The following OPCML variants were observed in gnomAD, a reference collection of about 807,000 sequenced individuals.
OPCML encodes the protein opioid binding protein/cell adhesion molecule like.
A neutral mutation model predicts 37.8 loss-of-function variants in OPCML; 13 were observed. The ratio of observed to expected loss-of-function variants is 0.34; its 90% CI spans 0.22 to 0.55. The LOEUF is 0.55. Ranked by LOEUF, OPCML falls within the 20% of genes least tolerant of loss-of-function variation. The pLI is 0.91. For synonymous variants in OPCML, 176 were observed against 168.8 expected (o/e 1.04, Z -0.33); for missense variants, 341 against 435.6 (o/e 0.78, Z 1.93).
Position 133,096,847 on chromosome 11 carries a change from A to C in OPCML, c.62-153837T>G, listed in dbSNP as rs370297617. Among the ~76,000 whole-genome samples, 20 of 152,256 alleles carry C rather than the reference A, an allele frequency of 1.3e-4. No individual in the cohort carries two copies. The East Asian group carries it at 2.3e-3, about 18-fold the overall frequency. ...AGCCAATATTCCAAGACGACACAGC[A>C]ATCTTTACTGTGTGTGCACTTAACA... is the stretch of plus-strand genomic sequence containing the variant. On this transcript the variant is annotated intron_variant, in intron 1 of 7. Transcript: ENST00000524381.
At chr11:133,217,461 C>T (rs891759967) in intron 1 of OPCML, among the ~76,000 whole-genome samples, 5 of 152,170 alleles carry the variant, frequency 3.3e-5, no homozygotes, top group Non-Finnish European at 7.3e-5. Flanking sequence ...GGGGCACCCA[C>T]GGTGTGCTCA....
At chr11:132,509,793 C>T (rs1047134674) in intron 4 of OPCML, among the ~76,000 whole-genome samples, 1 of 152,204 alleles carries the variant, frequency 6.6e-6, no homozygotes, top group Non-Finnish European at 1.5e-5. Flanking sequence ...GGGTGGGGCC[C>T]TCATGGAGAA....
chr11:132,752,665 GTTTTT>G (rs11295256), intron 2 of OPCML, among the ~76,000 whole-genome samples: 77 of 145,162 alleles, frequency 5.3e-4, no homozygotes, highest in African/African-American at 1.9e-3. Flanking sequence ...ACTCAATGTT[GTTTTT>G]TTTTTTTAAT....
At chr11:133,012,109 G>A (rs1192326799) in intron 1 of OPCML, among the ~76,000 whole-genome samples, 1 of 152,170 alleles carries the variant, frequency 6.6e-6, no homozygotes, top group Non-Finnish European at 1.5e-5. Flanking sequence ...GGCAATGCCT[G>A]AAGATATTTT....
chr11:133,325,332 G>T (rs920838949), intron 1 of OPCML, among the ~76,000 whole-genome samples: 2 of 152,140 alleles, frequency 1.3e-5, no homozygotes. Flanking sequence ...CATTATTTGG[G>T]GTGCTCATTC....
chr11:133,241,853 T>G, intron 1 of OPCML, among the ~76,000 whole-genome samples: 1 of 152,208 alleles, frequency 6.6e-6, no homozygotes. Context: ...TCCACGCATG[T>G]ATTTTTCAGG....
At chr11:133,233,875 T>C (rs1940399350) in intron 1 of OPCML, among the ~76,000 whole-genome samples, 1 of 152,160 alleles carries the variant, frequency 6.6e-6, no homozygotes. Flanking sequence ...AGATGAGAAC[T>C]AGAAGGTCCA....
At chr11:132,722,880 T>C (rs1173347542) in intron 2 of OPCML, among the ~76,000 whole-genome samples, 1 of 152,214 alleles carries the variant, frequency 6.6e-6, no homozygotes, top group Admixed American at 6.5e-5. Context: ...ATATGCTTTA[T>C]CTTTATTCAC....
intron 2 of OPCML, among the ~76,000 whole-genome samples, chr11:132,857,170 T>C (rs945435787): frequency 6.6e-6 from 1 of 152,228 alleles, no homozygotes; most frequent in Non-Finnish European, 1.5e-5. Context: ...GTATTGTAGC[T>C]CTTCTATGGT....
At chr11:132,676,969 C>A (rs984007830) in intron 2 of OPCML, among the ~76,000 whole-genome samples, 1 of 151,954 alleles carries the variant, frequency 6.6e-6, no homozygotes, top group African/African-American at 2.4e-5. Flanking sequence ...TCACATATCA[C>A]ATTTGATATA....
intron 1 of OPCML, among the ~76,000 whole-genome samples, chr11:133,241,874 CT>C (rs1351223720): frequency 1.3e-5 from 2 of 152,212 alleles, no homozygotes; most frequent in Non-Finnish European, 2.9e-5. Context: ...CGGTTCCCTC[CT>C]TTTCCACCCT....
chr11:133,402,362 C>T (rs1219075860), intron 1 of OPCML, among the ~76,000 whole-genome samples: 1 of 152,172 alleles, frequency 6.6e-6, no homozygotes, highest in Non-Finnish European at 1.5e-5. Context: ...TACCTCTCAA[C>T]ATTGTTGCAT....
intron 1 of OPCML, among the ~76,000 whole-genome samples, chr11:133,485,213 A>G (rs182024192): frequency 9.2e-5 from 14 of 152,348 alleles, no homozygotes; most frequent in Admixed American, 7.2e-4. Flanking sequence ...AGAAATATAC[A>G]AAAAGCAATA....
intron 7 of OPCML, among the ~76,000 whole-genome samples, chr11:132,427,100 T>C (rs1402580776): frequency 6.6e-6 from 1 of 151,998 alleles, no homozygotes; most frequent in Non-Finnish European, 1.5e-5. Context: ...ATAAACTATA[T>C]AGCTGAAATT....
intron 3 of OPCML, among the ~76,000 whole-genome samples, chr11:132,574,484 A>G (rs2096445895): frequency 6.6e-6 from 1 of 151,894 alleles, no homozygotes; most frequent in Admixed American, 6.6e-5. Context: ...GCCTTGCAGT[A>G]TTACATAATT....
At chr11:132,955,442 A>G (rs1040243206) in intron 1 of OPCML, among the ~76,000 whole-genome samples, 1 of 152,188 alleles carries the variant, frequency 6.6e-6, no homozygotes, top group African/African-American at 2.4e-5. Context: ...TCATCATCCT[A>G]CCAGCAGCCC....
intron 2 of OPCML, among the ~76,000 whole-genome samples, chr11:132,798,686 T>G (rs184754813): frequency 5.3e-4 from 81 of 152,356 alleles, no homozygotes; most frequent in African/African-American, 1.8e-3. Context: ...CCTCCTTTCA[T>G]GAATTACAAA....
intron 1 of OPCML, among the ~76,000 whole-genome samples, chr11:133,429,462 C>T (rs1213803427): frequency 6.6e-6 from 1 of 152,162 alleles, no homozygotes; most frequent in Non-Finnish European, 1.5e-5. Flanking sequence ...AGAGGCATGG[C>T]AGGATCTGAT....
At chr11:132,785,523 A>T (rs1591607217) in intron 2 of OPCML, among the ~76,000 whole-genome samples, 1 of 152,274 alleles carries the variant, frequency 6.6e-6, no homozygotes, top group Non-Finnish European at 1.5e-5. Flanking sequence ...CTCATTTAAA[A>T]GAGATAAACA....
Sources: allele counts gnomAD v4.1 joint callset (sites outside exome capture counted in the v4.1 genomes callset), GRCh38; gene constraint gnomAD v4.1.1; transcripts MANE v1.5; gene names NCBI Gene and HGNC (gene_info 2026-07-23, HGNC 2026-07-21).